Variants in BCAS3 observed in about 807,000 individuals in gnomAD.
The protein encoded by BCAS3 is BCAS3 microtubule associated cell migration factor.
Under a neutral mutation model 116.1 loss-of-function variants are expected in BCAS3, and 53 were observed. The observed-to-expected ratio is 0.46, with a 90% CI of 0.37 to 0.57. The LOEUF is 0.57. Ranked by LOEUF, BCAS3 falls within the 20% of genes least tolerant of loss-of-function variation. The pLI is 0.00. For missense variants in BCAS3, 917 were observed against 1,165.4 expected, an observed-to-expected ratio of 0.79 and a Z score of 3.10; for synonymous variants, 391 against 408.2, an observed-to-expected ratio of 0.96 and a Z score of 0.51.
At chr17:61,303,609 G>A (rs2053617954) in intron 22 of BCAS3, among the ~76,000 whole-genome samples, 1 of 152,184 alleles carries the variant, frequency 6.6e-6, no homozygotes, top group African/African-American at 2.4e-5. Flanking sequence ...TGGGTACAGT[G>A]GGGAGTGACC....
At chr17:60,946,144 C>T (rs1374534465) in intron 13 of BCAS3, among the ~76,000 whole-genome samples, 2 of 152,036 alleles carry the variant, frequency 1.3e-5, no homozygotes, top group Non-Finnish European at 2.9e-5. Context: ...ACACAAATAG[C>T]CAATTGATCC....
chr17:61,168,124 C>G (rs550260357), intron 22 of BCAS3, among the ~76,000 whole-genome samples: 27 of 152,146 alleles, frequency 1.8e-4, no homozygotes, highest in Non-Finnish European at 3.5e-4. Flanking sequence ...TGGCTTATTT[C>G]ATTTGCTGGG....
rs184959818 is a variant in BCAS3, at chr17:61,208,294, C to G, written c.2425+123730C>G. Among the ~76,000 whole-genome samples, 1 of 152,276 alleles carries G rather than the reference C, an allele frequency of 6.6e-6. No homozygotes were observed. Among genetic ancestry groups the G allele is most frequent in the South Asian group, 2.1e-4 (1 of 4,822 alleles). On this transcript the variant is annotated intron_variant, in intron 22 of 23. Transcript: ENST00000407086. The surrounding 1 kb of genome is among the most constrained non-coding windows in gnomAD (Gnocchi z 4.5). ...ATTTTGTCTAAAGCGGGACTCTTCT[C>G]CTCCCAGGGACCAGAGAATTTTCTT...
intron 5 of BCAS3, among the ~76,000 whole-genome samples, chr17:60,730,782 A>G (rs1368272638): frequency 2.0e-5 from 3 of 152,206 alleles, no homozygotes; most frequent in Non-Finnish European, 2.9e-5. Flanking sequence ...AATATAGTGT[A>G]TTTATAGGAG....
At position 61,368,313 on chromosome 17, in the gene BCAS3, C is replaced by T. The variant is rs745423184; in HGVS notation, c.2426-14C>T. The T allele has an allele frequency of 1.8e-5, 29 of 1,580,380 alleles. No individual in the cohort carries two copies. The highest frequency in any genetic ancestry group is 3.4e-5 in the Admixed American group (2 of 58,684). On this transcript the variant is annotated splice_polypyrimidine_tract_variant and intron_variant, in intron 22 of 23. Coordinates refer to ENST00000407086, the MANE Select transcript of BCAS3 (RefSeq NM_017679.5). The surrounding 1 kb of genome is among the most constrained non-coding windows in gnomAD (Gnocchi z 6.0). ...GGTGTGGACTCAACGTCAGATGTCCCGTGTGTGCCACAGGTACCTTTGACA... is the reference window on the plus strand; with the variant it reads ...GGTGTGGACTCAACGTCAGATGTCCTGTGTGTGCCACAGGTACCTTTGACA...
rs1392814651 is a variant in BCAS3, at chr17:61,136,908, C to T, written c.2425+52344C>T. The stretch of plus-strand genomic sequence containing the variant: ...ACCCTGGAAACCAGCAGTAACCAGA[C>T]CCTGGTGGGTGCTGAGAAAATGTTG... On this transcript the variant is annotated intron_variant, in intron 22 of 23. Transcript: ENST00000407086. The surrounding 1 kb of genome is among the most constrained non-coding windows in gnomAD (Gnocchi z 4.4). 6.6e-6 allele frequency among the ~76,000 whole-genome samples: 1 copy of T among 152,124 alleles called. No homozygotes were observed. The highest frequency in any genetic ancestry group is 6.5e-5 in the Admixed American group (1 of 15,280).
rs1286970261 is a variant in BCAS3 at position 60,993,282 on chromosome 17, C to T, written c.1486+3047C>T. 6.6e-6 allele frequency among the ~76,000 whole-genome samples: 1 copy of T among 152,120 alleles called. No homozygotes were observed. Among genetic ancestry groups the T allele is most frequent in the African/African-American group, 2.4e-5 (1 of 41,422 alleles). ...AAGGATTTCATCATTTGTGAAAGGA[C>T]AGTAGTTAAAGAGCAATACTACTAG... On this transcript the variant is annotated intron_variant, in intron 15 of 23. Transcript: ENST00000407086. This position sits in a 1 kb window ranked among gnomAD's most constrained non-coding sequence, Gnocchi z 4.2.
intron 2 of BCAS3, among the ~76,000 whole-genome samples, chr17:60,680,133 C>CT (rs2032788115): frequency 1.7e-4 from 4 of 23,302 alleles, no homozygotes; most frequent in Admixed American, 6.3e-4. Flanking sequence ...GACTCTGTCT[C>CT]CAAAAAAAAA....
At position 61,073,767 on chromosome 17, in the gene BCAS3, C is replaced by T. The variant is rs535924599; in HGVS notation, c.2030-1153C>T. Among the ~76,000 whole-genome samples the T allele has an allele frequency of 2.2e-4, 33 of 152,188 alleles. No homozygotes were observed. Among genetic ancestry groups the T allele is most frequent in the African/African-American group, 7.7e-4 (32 of 41,520 alleles). Reference sequence around the variant, plus strand: ...TTACTTTTCTTTCTACTTACCTCCCCTCTTTTTCTCTGTTCCTCCCAGTAC... The same window carrying T: ...TTACTTTTCTTTCTACTTACCTCCCTTCTTTTTCTCTGTTCCTCCCAGTAC... On this transcript the variant is annotated intron_variant, in intron 19 of 23. Coordinates refer to ENST00000407086, the MANE Select transcript of BCAS3 (RefSeq NM_017679.5). This position sits in a 1 kb window ranked among gnomAD's most constrained non-coding sequence, Gnocchi z 4.6.
chr17:61,380,569 T>C lies in BCAS3; in HGVS notation c.2594-11408T>C, dbSNP rs762789340. ...GAGAGACACGTGGCAGTGAAGTGTTTTGGTATGTAACGTCCTATCTTTGCC... is the reference window on the plus strand; with the variant it reads ...GAGAGACACGTGGCAGTGAAGTGTTCTGGTATGTAACGTCCTATCTTTGCC... On this transcript the variant is annotated intron_variant, in intron 23 of 23. Transcript: ENST00000407086. The surrounding 1 kb of genome is among the most constrained non-coding windows in gnomAD (Gnocchi z 4.2). 4 of 1,597,772 alleles carry C rather than the reference T, an allele frequency of 2.5e-6. No homozygotes were observed. The highest frequency in any genetic ancestry group is 3.4e-6 in the Non-Finnish European group (4 of 1,179,238).
chr17:60,801,527 T>C (rs1048878601), intron 6 of BCAS3, among the ~76,000 whole-genome samples: 1 of 152,126 alleles, frequency 6.6e-6, no homozygotes, highest in Non-Finnish European at 1.5e-5. Context: ...CAGTACTCTA[T>C]TGAAAAACAG....
chr17:61,194,875 T>C (rs2080383798), intron 22 of BCAS3, among the ~76,000 whole-genome samples: 2 of 152,336 alleles, frequency 1.3e-5, no homozygotes, highest in Admixed American at 1.3e-4. Flanking sequence ...CCAGCTCCCC[T>C]ATTTGTCAGT....
chr17:61,270,275 G>A (rs935216144), intron 22 of BCAS3, among the ~76,000 whole-genome samples: 2 of 150,844 alleles, frequency 1.3e-5, no homozygotes, highest in South Asian at 2.1e-4. Flanking sequence ...GCCCGCCACC[G>A]CGCCTGGCTA....
intron 22 of BCAS3, among the ~76,000 whole-genome samples, chr17:61,321,938 GTTTGTTTT>G (rs942529711): frequency 3.3e-5 from 5 of 151,510 alleles, no homozygotes; most frequent in African/African-American, 1.2e-4. Context: ...TTGTTTGTTT[GTTTGTTTT>G]TTTTGAGACG....
rs1383699008 is a variant in BCAS3, at chr17:61,013,167, C to T, written c.1487-2584C>T. ...CCTTTTCCATATAAAGTTGTTCCCA[C>T]GTCTGCTTATCTTTGGTTCTTGGCA... is the stretch of plus-strand genomic sequence containing the variant. On this transcript the variant is annotated intron_variant, in intron 15 of 23. Transcript: ENST00000407086. The surrounding 1 kb of genome is among the most constrained non-coding windows in gnomAD (Gnocchi z 4.4). Among the ~76,000 whole-genome samples, 4 of 152,024 alleles carry T rather than the reference C, an allele frequency of 2.6e-5. No homozygotes were observed. The highest frequency in any genetic ancestry group is 1.3e-4 in the Admixed American group (2 of 15,246).
intron 6 of BCAS3, among the ~76,000 whole-genome samples, chr17:60,759,139 A>G (rs2043271864): frequency 6.6e-6 from 1 of 152,070 alleles, no homozygotes; most frequent in Non-Finnish European, 1.5e-5. Flanking sequence ...ACACCCAGCT[A>G]ATTTTTGTAT....
At chr17:60,903,842 G>A (rs1037538151) in intron 11 of BCAS3, among the ~76,000 whole-genome samples, 1 of 152,124 alleles carries the variant, frequency 6.6e-6, no homozygotes, top group Non-Finnish European at 1.5e-5. Context: ...AACATCTTCA[G>A]TATTAGTCTA....
intron 22 of BCAS3, among the ~76,000 whole-genome samples, chr17:61,125,707 A>T (rs972024832): frequency 2.0e-5 from 3 of 152,186 alleles, no homozygotes; most frequent in African/African-American, 7.2e-5. Flanking sequence ...CAAGATGGGA[A>T]TGTATAGATA....
intron 14 of BCAS3, among the ~76,000 whole-genome samples, chr17:60,955,623 A>G (rs1217836676): frequency 6.6e-6 from 1 of 151,850 alleles, no homozygotes; most frequent in East Asian, 1.9e-4. Context: ...TGACCTTGTG[A>G]TCCGCCCTCC....
Sources: allele counts gnomAD v4.1 joint callset (sites outside exome capture counted in the v4.1 genomes callset), GRCh38; gene constraint gnomAD v4.1.1; non-coding constraint Gnocchi (gnomAD v3.1); transcripts MANE v1.5; gene names NCBI Gene and HGNC (gene_info 2026-07-23, HGNC 2026-07-21).